The following WNT4 variants were observed in gnomAD, a reference collection of about 807,000 sequenced individuals.
The protein encoded by WNT4 is protein Wnt-4.
In WNT4, 16 loss-of-function variants were observed where a neutral mutation model predicts 34.5. The ratio of observed to expected loss-of-function variants is 0.46; its 90% CI spans 0.31 to 0.70. The LOEUF is 0.70. Among genes scored for constraint, WNT4 ranks in the 30% least tolerant of loss-of-function variants. The pLI is 0.04. For missense variants in WNT4, 379 were observed against 495.9 expected (o/e 0.76, Z 2.24); for synonymous variants, 200 against 211.9 (o/e 0.94, Z 0.49).
chr1:22,128,868 C>T (rs1354596935), intron 2 of WNT4, among the ~76,000 whole-genome samples: 1 of 152,094 alleles, frequency 6.6e-6, no homozygotes, highest in Admixed American at 6.6e-5. Flanking sequence ...TACAGGCGCC[C>T]GCCACCACGC....
intron 2 of WNT4, chr1:22,127,580 A>G (rs970254623): frequency 3.2e-5 from 14 of 431,264 alleles, no homozygotes; most frequent in Admixed American, 7.6e-5. Context: ...ACGCATTTCA[A>G]TCTAAAAGGT....
In WNT4 at chr1:22,124,616, C is replaced by A. The variant is rs1645927195; in HGVS notation, c.314-3040G>T. ...TGGAAGAAAAGGTGAGGCTTGGTGG[C>A]TTGTCCTGGGTTCCTCAGGCAGTAA... On this transcript the variant is annotated intron_variant, in intron 2 of 4. Coordinates refer to ENST00000290167, the MANE Select transcript of WNT4 (RefSeq NM_030761.5). 2.0e-5 allele frequency among the ~76,000 whole-genome samples: 3 copies of A among 152,342 alleles called. No individual in the cohort carries two copies. In the South Asian group the frequency reaches 6.2e-4, roughly 32 times the overall value.
At chr1:22,122,973 C>T (rs1645913445) in intron 2 of WNT4, among the ~76,000 whole-genome samples, 1 of 152,240 alleles carries the variant, frequency 6.6e-6, no homozygotes, top group Non-Finnish European at 1.5e-5. Context: ...CACTGGGGGG[C>T]TTGGCTGGAG....
At chr1:22,131,351 G>T (rs1645982262) in intron 1 of WNT4, among the ~76,000 whole-genome samples, 1 of 152,244 alleles carries the variant, frequency 6.6e-6, no homozygotes, top group African/African-American at 2.4e-5. Context: ...GTTGAAGGTG[G>T]AGGTGCCTGG....
rs1359600614 is a variant in WNT4 at position 22,137,157 on chromosome 1, G to C, written c.77+5689C>G. On this transcript the variant is annotated intron_variant, in intron 1 of 4. Transcript: ENST00000290167. This position sits in a 1 kb window ranked among gnomAD's most constrained non-coding sequence, Gnocchi z 5.3. ...CCACCTCCCTCCCGCTCTCTCCTCA[G>C]ACCAGGTCCCCTCCTCTGCGGGGTC... Among the ~76,000 whole-genome samples the C allele has an allele frequency of 3.9e-5, 6 of 152,174 alleles. No individual in the cohort carries two copies. The highest frequency in any genetic ancestry group is 7.3e-5 in the Non-Finnish European group (5 of 68,042).
intron 1 of WNT4, among the ~76,000 whole-genome samples, chr1:22,132,626 C>T (rs1557929395): frequency 6.6e-6 from 1 of 152,192 alleles, no homozygotes; most frequent in Non-Finnish European, 1.5e-5. Flanking sequence ...CACCTGCATC[C>T]CCCCACCCAG....
chr1:22,132,037 C>G (rs984768177), intron 1 of WNT4, among the ~76,000 whole-genome samples: 1 of 152,188 alleles, frequency 6.6e-6, no homozygotes, highest in Non-Finnish European at 1.5e-5. Context: ...GCCAAGGGGT[C>G]GCCTGTGGAG....
chr1:22,121,987 AG>A (rs1645903345), intron 2 of WNT4, among the ~76,000 whole-genome samples: 1 of 152,192 alleles, frequency 6.6e-6, no homozygotes, highest in Non-Finnish European at 1.5e-5. Context: ...GGTTTATGGA[AG>A]ACCAGACAGG....
intron 4 of WNT4, 51 bp from the exon 5 acceptor site, chr1:22,120,568 C>A: frequency 6.4e-7 from 1 of 1,551,488 alleles, no homozygotes; most frequent in Non-Finnish European, 8.7e-7. Flanking sequence ...CAAGGGAAGG[C>A]AGGGGAGGGC....
intron 2 of WNT4, among the ~76,000 whole-genome samples, chr1:22,122,151 CT>C (rs1409636526): frequency 6.6e-6 from 1 of 152,168 alleles, no homozygotes; most frequent in Non-Finnish European, 1.5e-5. Context: ...GAGACTGGGC[CT>C]GTTTCTGAAA....
Position 22,129,632 on chromosome 1 carries a change from G to T in WNT4, c.297C>A (p.Gly99=), listed in dbSNP as rs749623827. 12 of 1,613,314 alleles carry T rather than the reference G, an allele frequency of 7.4e-6. No individual in the cohort carries two copies. The African/African-American group carries it at 1.2e-4, about 16-fold the overall frequency. Residue 99 remains glycine, a synonymous_variant, in exon 2 of 5, where the codon GGC becomes GGA. Transcript: ENST00000290167. ...CSTLDSLPVF[G]KVVTQGTREA... ...TTCCCTCACCTTGCGTCACCACCTT[G>T]CCGAAGACGGGCAAGGAGTCGAGTG...
intron 1 of WNT4, among the ~76,000 whole-genome samples, chr1:22,132,881 C>T (rs553288300): frequency 2.7e-4 from 41 of 152,228 alleles, no homozygotes; most frequent in East Asian, 1.9e-3. Context: ...GGGTCTCGCC[C>T]GGGCAGGGCT....
intron 1 of WNT4, among the ~76,000 whole-genome samples, chr1:22,132,270 A>G (rs1002622011): frequency 4.6e-5 from 7 of 152,078 alleles, no homozygotes; most frequent in African/African-American, 7.2e-5. Flanking sequence ...CCCATCCCCA[A>G]CTCAGTCTCT....
intron 1 of WNT4, among the ~76,000 whole-genome samples, chr1:22,141,507 G>T (rs2124142931): frequency 6.6e-6 from 1 of 152,298 alleles, no homozygotes; most frequent in South Asian, 2.1e-4. Context: ...GAAGGTGGTG[G>T]TGCCTTGCTT....
intron 4 of WNT4, among the ~76,000 whole-genome samples, chr1:22,120,828 A>G (rs1645891728): frequency 6.6e-6 from 1 of 152,110 alleles, no homozygotes; most frequent in African/African-American, 2.4e-5. Context: ...CCTCCACGGG[A>G]ACCTTGGGGA....
Position 22,139,282 on chromosome 1 carries a change from G to A in WNT4, c.77+3564C>T, listed in dbSNP as rs1646046922. 6.6e-6 allele frequency among the ~76,000 whole-genome samples: 1 copy of A among 152,216 alleles called. No individual in the cohort carries two copies. Among genetic ancestry groups the A allele is most frequent in the African/African-American group, 2.4e-5 (1 of 41,450 alleles). On this transcript the variant is annotated intron_variant, in intron 1 of 4. Transcript: ENST00000290167. This position sits in a 1 kb window ranked among gnomAD's most constrained non-coding sequence, Gnocchi z 4.6. ...GCTGCCAGGGCTGCCATTTCCATCAGCGTGCCTGGCCCAGTGCCAGCTTGC... is the reference window on the plus strand; with the variant it reads ...GCTGCCAGGGCTGCCATTTCCATCAACGTGCCTGGCCCAGTGCCAGCTTGC...
At chr1:22,130,954 G>A (rs769977117) in intron 1 of WNT4, among the ~76,000 whole-genome samples, 5 of 152,224 alleles carry the variant, frequency 3.3e-5, no homozygotes, top group Non-Finnish European at 5.9e-5. Context: ...ACATTATTGC[G>A]TTTAATCCTC....
At chr1:22,127,457 T>A (rs41266031) in intron 2 of WNT4, 1 of 533,256 alleles carries the variant, frequency 1.9e-6, no homozygotes, top group Non-Finnish European at 3.8e-6. Flanking sequence ...ACATCCACTG[T>A]CTCCTCCATG....
rs141597087 is a variant in WNT4, at chr1:22,120,287, C to T, written c.819G>A (p.Leu273=). 1.9e-6 allele frequency: 3 copies of T among 1,614,098 alleles called. No individual in the cohort carries two copies. The African/African-American group carries it at 4.0e-5, about 22-fold the overall frequency. The change falls in exon 5 of 5, where the codon TTG becomes TTA. Residue 273 remains leucine (L), a synonymous_variant. Coordinates refer to ENST00000290167, the MANE Select transcript of WNT4 (RefSeq NM_030761.5). The part of the protein sequence containing the change: ...KPHTDEDLVY[L]EPSPDFCEQD... ...GCTCACAGAAGTCGGGGCTAGGCTC[C>T]AAGTACACCAGGTCCTCATCTGTGT...
Sources: gnomAD v4.1 joint callset for allele counts (sites outside exome capture counted in the v4.1 genomes callset) on GRCh38, gnomAD v4.1.1 for gene constraint, Gnocchi (gnomAD v3.1) non-coding constraint, MANE v1.5 for transcripts, NCBI Gene and HGNC (gene_info 2026-07-23, HGNC 2026-07-21) for gene names.